Variants in RBFOX1 observed in about 807,000 individuals in gnomAD.
RBFOX1 encodes RNA binding fox-1 homolog 1.
RBFOX1 carries 8 observed loss-of-function variants against 57.7 expected under a neutral mutation model. The ratio of observed to expected loss-of-function variants is 0.14; its 90% CI spans 0.08 to 0.25. The LOEUF (loss-of-function observed/expected upper bound fraction) is 0.25, where lower values mean the gene tolerates loss of function less well. Ranked by LOEUF, RBFOX1 falls within the 10% of genes least tolerant of loss-of-function variation. The pLI, the probability that RBFOX1 is intolerant of heterozygous loss-of-function variation, is 1.00. For missense variants in RBFOX1, 611 were observed against 548.5 expected (o/e 1.11, Z -1.14); for synonymous variants, 326 against 222.4 (o/e 1.47, Z -4.15).
intron 2 of RBFOX1, among the ~76,000 whole-genome samples, chr16:6,453,609 A>G (rs2094688890): frequency 6.6e-6 from 1 of 152,176 alleles, no homozygotes; most frequent in African/African-American, 2.4e-5. Flanking sequence ...AGGTGCGAAG[A>G]GGAGCTGGTA....
intron 2 of RBFOX1, among the ~76,000 whole-genome samples, chr16:6,441,673 C>T (rs1329041764): frequency 6.6e-6 from 1 of 152,170 alleles, no homozygotes; most frequent in Non-Finnish European, 1.5e-5. Context: ...CCACTTTGGC[C>T]TCTCAAAGTG....
At chr16:5,650,938 C>T (rs2049215061) in intron 3 of RBFOX1, among the ~76,000 whole-genome samples, 1 of 149,140 alleles carries the variant, frequency 6.7e-6, no homozygotes, top group Non-Finnish European at 1.5e-5. Flanking sequence ...CCTTCTTTCC[C>T]TCTGCCTCAT....
chr16:6,985,711 A>C (rs1379243150), intron 3 of RBFOX1, among the ~76,000 whole-genome samples: 1 of 151,974 alleles, frequency 6.6e-6, no homozygotes, highest in East Asian at 1.9e-4. Flanking sequence ...TCAGGTGCCT[A>C]TAATCTCAGC....
intron 1 of RBFOX1, among the ~76,000 whole-genome samples, chr16:5,367,607 C>T (rs767775780): frequency 2.0e-4 from 30 of 152,172 alleles, no homozygotes; most frequent in Non-Finnish European, 5.9e-5. Flanking sequence ...TGGTACTGGG[C>T]GTAACAGCAG....
intron 3 of RBFOX1, among the ~76,000 whole-genome samples, chr16:7,048,980 C>T (rs1432512253): frequency 2.0e-5 from 3 of 152,160 alleles, no homozygotes; most frequent in African/African-American, 4.8e-5. Flanking sequence ...TATATCAAGT[C>T]TGGGACATGG....
chr16:5,464,490 G>C (rs922268533), intron 1 of RBFOX1, among the ~76,000 whole-genome samples: 1 of 152,236 alleles, frequency 6.6e-6, no homozygotes, highest in Non-Finnish European at 1.5e-5. Flanking sequence ...AGCTCTCTGG[G>C]TGGGCAGGGA....
At chr16:6,814,323 G>C (rs908925115) in intron 3 of RBFOX1, among the ~76,000 whole-genome samples, 2 of 152,092 alleles carry the variant, frequency 1.3e-5, no homozygotes, top group Admixed American at 1.3e-4. Context: ...CAAGAAAGTT[G>C]ATTAAGACAT....
intron 2 of RBFOX1, among the ~76,000 whole-genome samples, chr16:6,380,808 C>T (rs1474183293): frequency 6.6e-6 from 1 of 152,100 alleles, no homozygotes; most frequent in Admixed American, 6.5e-5. Flanking sequence ...ACATTCCTCA[C>T]CAGTTTGTGC....
At chr16:6,410,903 A>G (rs919035733) in intron 2 of RBFOX1, among the ~76,000 whole-genome samples, 1 of 152,172 alleles carries the variant, frequency 6.6e-6, no homozygotes, top group African/African-American at 2.4e-5. Context: ...AGTTGGGGAT[A>G]AAAAGGAACA....
chr16:6,721,763 C>T (rs1441525528), intron 3 of RBFOX1: 1 of 151,674 alleles, frequency 6.6e-6, no homozygotes, highest in African/African-American at 2.4e-5. Flanking sequence ...ATTTTTTGAC[C>T]CAGGCACTGG....
At chr16:7,426,520 C>T (rs2098615090) in intron 4 of RBFOX1, among the ~76,000 whole-genome samples, 2 of 152,170 alleles carry the variant, frequency 1.3e-5, no homozygotes, top group Non-Finnish European at 2.9e-5. Context: ...CTCCAGCATG[C>T]AGCTAGGAAA....
intron 4 of RBFOX1, among the ~76,000 whole-genome samples, chr16:6,012,075 G>A (rs553146126): frequency 7.9e-5 from 12 of 152,296 alleles, no homozygotes; most frequent in Admixed American, 2.0e-4. Flanking sequence ...GAAATTTCTC[G>A]TGGATTCTGT....
chr16:5,945,524 A>G (rs1211172785), intron 4 of RBFOX1, among the ~76,000 whole-genome samples: 1 of 152,224 alleles, frequency 6.6e-6, no homozygotes, highest in African/African-American at 2.4e-5. Flanking sequence ...GCTTATTTTA[A>G]TAATTCTCAC....
intron 1 of RBFOX1, among the ~76,000 whole-genome samples, chr16:6,101,622 G>T (rs1334815885): frequency 6.6e-6 from 1 of 152,148 alleles, no homozygotes; most frequent in Non-Finnish European, 1.5e-5. Flanking sequence ...GAGTAGCTGG[G>T]ATTACAGGCA....
At chr16:6,270,166 C>G (rs907051393) in intron 1 of RBFOX1, among the ~76,000 whole-genome samples, 2 of 148,506 alleles carry the variant, frequency 1.3e-5, no homozygotes, top group East Asian at 2.0e-4. Context: ...AAAAGGCAAA[C>G]TGAAAAACAC....
intron 2 of RBFOX1, among the ~76,000 whole-genome samples, chr16:6,518,671 C>T (rs2096432797): frequency 6.6e-6 from 1 of 152,112 alleles, no homozygotes; most frequent in Non-Finnish European, 1.5e-5. Flanking sequence ...CCCGGAGTAA[C>T]TGCCCTTTGA....
intron 1 of RBFOX1, among the ~76,000 whole-genome samples, chr16:6,087,579 C>T (rs1352155): frequency 0.66 from 99,342 of 151,430 alleles, 32,811 homozygotes; most frequent in African/African-American, 0.73. Context: ...AAGTGTAATA[C>T]TTTAAATAAC....
At chr16:5,839,798 T>G (rs960740415) in intron 3 of RBFOX1, among the ~76,000 whole-genome samples, 15 of 152,278 alleles carry the variant, frequency 9.9e-5, no homozygotes, top group African/African-American at 3.4e-4. Flanking sequence ...GGTTTTCTTT[T>G]CTTGAGGCTA....
At chr16:6,134,710 C>G (rs909851167) in intron 1 of RBFOX1, among the ~76,000 whole-genome samples, 5 of 140,486 alleles carry the variant, frequency 3.6e-5, no homozygotes, top group Non-Finnish European at 7.7e-5. Context: ...TGGAGTCTCA[C>G]TCTGTCACCC....
Sources: allele counts gnomAD v4.1 joint callset (sites outside exome capture counted in the v4.1 genomes callset), GRCh38; gene constraint gnomAD v4.1.1; transcripts MANE v1.5; gene names NCBI Gene and HGNC (gene_info 2026-07-23, HGNC 2026-07-21).